Variants in CDH26 observed in about 807,000 individuals in gnomAD.
CDH26 encodes cadherin-like protein 26.
Under a neutral mutation model 90.3 loss-of-function variants are expected in CDH26, and 83 were observed. The ratio of observed to expected loss-of-function variants is 0.92; its 90% CI spans 0.77 to 1.10. The LOEUF is 1.10. CDH26 is among the 50% of genes least tolerant of loss of function. The pLI is 0.00. For missense variants in CDH26, 1,013 were observed against 1,037.6 expected, an observed-to-expected ratio of 0.98 and a Z score of 0.33; for synonymous variants, 397 against 396.3, an observed-to-expected ratio of 1.00 and a Z score of -0.02.
intron 1 of CDH26, among the ~76,000 whole-genome samples, chr20:59,963,857 A>C (rs902819707): frequency 6.6e-6 from 1 of 151,842 alleles, no homozygotes; most frequent in Non-Finnish European, 1.5e-5. Flanking sequence ...TCATCCAAAA[A>C]TAAAAAAAAA....
At chr20:59,994,729 A>T (rs1234302243) in intron 11 of CDH26, among the ~76,000 whole-genome samples, 7 of 152,050 alleles carry the variant, frequency 4.6e-5, no homozygotes, top group Non-Finnish European at 8.8e-5. Context: ...GGCTGCTGGG[A>T]GTCCCTGAGA....
At chr20:59,985,837 A>G (rs964962956) in intron 7 of CDH26, among the ~76,000 whole-genome samples, 6 of 152,226 alleles carry the variant, frequency 3.9e-5, no homozygotes, top group Non-Finnish European at 8.8e-5. Flanking sequence ...TTCATTTTTG[A>G]TTATTGAAAC....
At position 59,972,012 on chromosome 20, in the gene CDH26, A is replaced by G; in HGVS notation, c.282A>G (p.Gly94=). 1 of 1,613,806 alleles carries G rather than the reference A, an allele frequency of 6.2e-7. No homozygotes were observed. Among genetic ancestry groups the G allele is most frequent in the South Asian group, 1.1e-5 (1 of 91,070 alleles). The change falls in exon 4 of 18, where the codon GGA becomes GGG. Residue 94 remains glycine (G), a synonymous_variant. Transcript: ENST00000348616. ...TGTCACTAATGTATCTAATCAGTGG[A>G]CCTGGTGTGGATGAATATCCAGAGA... ...YNMSLMYLIS[G]PGVDEYPEIG...
chr20:59,993,097 C>G (rs755061693), intron 10 of CDH26, among the ~76,000 whole-genome samples: 1 of 152,160 alleles, frequency 6.6e-6, no homozygotes, highest in Non-Finnish European at 1.5e-5. Flanking sequence ...TATCACTATA[C>G]GTTCCATTCT....
At chr20:59,975,409 C>T (rs114144320) in intron 4 of CDH26, among the ~76,000 whole-genome samples, 3,567 of 152,198 alleles carry the variant, frequency 0.023, 128 homozygotes, top group African/African-American at 0.081. Flanking sequence ...GTCTCTCCTT[C>T]GGAGCCTCCA....
In CDH26 at chr20:59,984,674, G is replaced by A; in HGVS notation, c.577G>A (p.Asp193Asn). ...PIFQMLAVDL[D>N]EENTPNSQVL... Reference sequence around the variant, plus strand: ...TTTTCAGATGTTAGCAGTCGATTTGGATGAAGAAAACACTCCAAATTCTCA... The same window carrying A: ...TTTTCAGATGTTAGCAGTCGATTTGAATGAAGAAAACACTCCAAATTCTCA... Residue 193 changes from aspartate to asparagine, a missense_variant, in exon 6 of 18, where the codon GAT becomes AAT. Transcript: ENST00000348616. 1 of 1,612,592 alleles carries A rather than the reference G, an allele frequency of 6.2e-7. No homozygotes were observed. The highest frequency in any genetic ancestry group is 8.5e-7 in the Non-Finnish European group (1 of 1,179,600).
chr20:60,000,638 G>A (rs190175132), intron 14 of CDH26, among the ~76,000 whole-genome samples: 10 of 152,318 alleles, frequency 6.6e-5, no homozygotes, highest in Non-Finnish European at 8.8e-5. Context: ...CCATAGGGGC[G>A]TGTGTGTGGT....
intron 1 of CDH26, among the ~76,000 whole-genome samples, chr20:59,967,125 T>G (rs182843059): frequency 9.5e-4 from 145 of 152,324 alleles, no homozygotes; most frequent in African/African-American, 3.2e-3. Context: ...AGTGAAGGTT[T>G]AAAAACATGC....
intron 1 of CDH26, among the ~76,000 whole-genome samples, chr20:59,967,853 CTTTCTTTCTTTCTTTCTTT>C (rs2061176231): frequency 4.0e-5 from 4 of 100,128 alleles, no homozygotes; most frequent in African/African-American, 2.2e-4. Flanking sequence ...TTCTTTCTTT[CTTTCTTTCTTTCTTTCTTT>C]CTTTCTTCCT....
rs539990634 is a variant in CDH26, at chr20:59,983,216, C to T, written c.541+146C>T. 5 of 939,450 alleles carry T rather than the reference C, an allele frequency of 5.3e-6. No individual in the cohort carries two copies. The South Asian group carries it at 6.2e-5, about 12-fold the overall frequency. 58.2% of individuals were successfully genotyped at this position (939,450 alleles called of 1,614,324 possible). On this transcript the variant is annotated intron_variant, in intron 5 of 17. Transcript: ENST00000348616. ...AAAGATCGCAGGCCTTGGATCTGAG[C>T]GAAATGCTTTGAGGTCCGTAAGCCT...
rs1323898268 is a variant in CDH26 at position 59,996,671 on chromosome 20, A to G, written c.1929A>G (p.Glu643=). The part of the protein sequence containing the change: ...LFLLRCYFVL[E]PKRHGCSVSN... ...TGTTGCGATGCTATTTTGTGCTTGAACCTAAGAGGCATGGATGCTCTGTAT... is the reference window on the plus strand; with the variant it reads ...TGTTGCGATGCTATTTTGTGCTTGAGCCTAAGAGGCATGGATGCTCTGTAT... The change falls in exon 13 of 18, where the codon GAA becomes GAG. Residue 643 remains glutamate, a synonymous_variant. Coordinates refer to ENST00000348616, the MANE Select transcript of CDH26 (RefSeq NM_177980.4). 6.2e-7 allele frequency: 1 copy of G among 1,614,154 alleles called. No homozygotes were observed. Among genetic ancestry groups the G allele is most frequent in the East Asian group, 2.2e-5 (1 of 44,874 alleles).
chr20:59,958,598 C>G lies in CDH26; in HGVS notation c.-129C>G. 1.2e-6 allele frequency: 1 copy of G among 825,116 alleles called. No homozygotes were observed. The highest frequency in any genetic ancestry group is 2.0e-6 in the Non-Finnish European group (1 of 493,752). 51.1% of individuals were successfully genotyped at this position (825,116 alleles called of 1,614,324 possible). A position where few individuals can be genotyped will look rare whatever the true frequency, so the allele number is the denominator to read the frequency against. On this transcript the variant is annotated 5_prime_UTR_variant, in exon 1 of 18. Transcript: ENST00000348616. Reference sequence around the variant, plus strand: ...CAAGATGGGATGAAAGCATCTGGGCCAAAGTGACCTGAAAACCTTTAGAGA... The same window carrying G: ...CAAGATGGGATGAAAGCATCTGGGCGAAAGTGACCTGAAAACCTTTAGAGA...
At position 60,030,673 on chromosome 20, in the gene CDH26, G is replaced by T. The variant is rs1316890028; in HGVS notation, c.948-558G>T. Among the ~76,000 whole-genome samples, 2 of 152,180 alleles carry T rather than the reference G, an allele frequency of 1.3e-5. No individual in the cohort carries two copies. Among genetic ancestry groups the T allele is most frequent in the African/African-American group, 4.8e-5 (2 of 41,436 alleles). ...ACTTTGAAGCTGAGAGGCTGTAAGTGCAGGGGCAGTTGCAGCAACCTTGAG... is the reference window on the plus strand; with the variant it reads ...ACTTTGAAGCTGAGAGGCTGTAAGTTCAGGGGCAGTTGCAGCAACCTTGAG... On this transcript the variant is annotated intron_variant, in intron 7 of 8. Coordinates refer to the CDH26 transcript ENST00000370991. This position sits in a 1 kb window ranked among gnomAD's most constrained non-coding sequence, Gnocchi z 4.0.
intron 10 of CDH26, among the ~76,000 whole-genome samples, chr20:59,993,253 T>C (rs957386912): frequency 1.1e-4 from 16 of 152,296 alleles, no homozygotes; most frequent in African/African-American, 3.9e-4. Flanking sequence ...GGTACTTTTT[T>C]TTTCCTTTAT....
chr20:60,007,466 C>T (rs972341213), intron 17 of CDH26, among the ~76,000 whole-genome samples: 2 of 152,172 alleles, frequency 1.3e-5, no homozygotes, highest in South Asian at 4.1e-4. Context: ...AACTCATAGG[C>T]AGTACACTCA....
rs770512172 is a variant in CDH26 at position 60,030,173 on chromosome 20, T to G, written c.948-1058T>G. ...ATATGATAGTATACCATCACCAGAATCAAGTTTTGTGGAGCTCTGCTACCT... is the reference window on the plus strand; with the variant it reads ...ATATGATAGTATACCATCACCAGAAGCAAGTTTTGTGGAGCTCTGCTACCT... On this transcript the variant is annotated intron_variant, in intron 7 of 8. Transcript: ENST00000370991. This position sits in a 1 kb window ranked among gnomAD's most constrained non-coding sequence, Gnocchi z 4.0. Among the ~76,000 whole-genome samples the G allele has an allele frequency of 1.3e-5, 2 of 152,202 alleles. No individual in the cohort carries two copies. The highest frequency in any genetic ancestry group is 2.9e-5 in the Non-Finnish European group (2 of 68,038).
At chr20:60,017,896 C>T (rs1333318805), downstream of CDH26, among the ~76,000 whole-genome samples, 1 of 152,036 alleles carries the variant, frequency 6.6e-6, no homozygotes, top group South Asian at 2.1e-4. Context: ...AGCTTAATTT[C>T]CATGTATTTG....
chr20:60,033,266 C>T (rs1351417303), intron 8 of CDH26, among the ~76,000 whole-genome samples: 1 of 152,228 alleles, frequency 6.6e-6, no homozygotes. Flanking sequence ...ATTACTCTTA[C>T]CACCATCACT....
In CDH26 at chr20:59,992,713, A is replaced by C. The variant is rs1601157364; in HGVS notation, c.1426+193A>C. On this transcript the variant is annotated intron_variant, in intron 10 of 17. Coordinates refer to ENST00000348616, the MANE Select transcript of CDH26 (RefSeq NM_177980.4). The surrounding 1 kb of genome is among the most constrained non-coding windows in gnomAD (Gnocchi z 5.0). Reference sequence around the variant, plus strand: ...TAAACAAGGGACCAATACCATCGAAAGAGGGCAGTATTCATTCAGAAGAGA... The same window carrying C: ...TAAACAAGGGACCAATACCATCGAACGAGGGCAGTATTCATTCAGAAGAGA... Among the ~76,000 whole-genome samples, 1 of 152,216 alleles carries C rather than the reference A, an allele frequency of 6.6e-6. No individual in the cohort carries two copies. Among genetic ancestry groups the C allele is most frequent in the African/African-American group, 2.4e-5 (1 of 41,468 alleles).
Sources: gnomAD v4.1 joint callset for allele counts (sites outside exome capture counted in the v4.1 genomes callset) on GRCh38, gnomAD v4.1.1 for gene constraint, Gnocchi (gnomAD v3.1) non-coding constraint, MANE v1.5 for transcripts, NCBI Gene and HGNC (gene_info 2026-07-23, HGNC 2026-07-21) for gene names.